FGF14: variants seen among roughly 807,000 people sequenced by gnomAD.
The protein encoded by FGF14 is fibroblast growth factor homologous factor 4.
Under a neutral mutation model 25.5 loss-of-function variants are expected in FGF14, and 5 were observed. The observed-to-expected ratio is 0.20, with a 90% CI of 0.10 to 0.41. The LOEUF is 0.41. Ranked by LOEUF, FGF14 falls within the 10% of genes least tolerant of loss-of-function variation. The pLI, the probability that FGF14 is intolerant of heterozygous loss-of-function variation, is 1.00. For synonymous variants in FGF14, 138 were observed against 118.3 expected, an observed-to-expected ratio of 1.17 and a Z score of -1.08; for missense variants, 222 against 320.1, an observed-to-expected ratio of 0.69 and a Z score of 2.34.
intron 1 of FGF14, among the ~76,000 whole-genome samples, chr13:102,012,141 A>C (rs1303960971): frequency 6.6e-6 from 1 of 152,108 alleles, no homozygotes; most frequent in East Asian, 1.9e-4. Flanking sequence ...TTAAATATAA[A>C]CTAATCAATT....
intron 1 of FGF14, among the ~76,000 whole-genome samples, chr13:102,378,213 G>T (rs2058085078): frequency 6.6e-6 from 1 of 152,160 alleles, no homozygotes; most frequent in South Asian, 2.1e-4. Flanking sequence ...GAGTGATGAT[G>T]TGTCAGTGTA....
At chr13:102,053,363 A>G (rs963612984) in intron 1 of FGF14, among the ~76,000 whole-genome samples, 3 of 152,162 alleles carry the variant, frequency 2.0e-5, no homozygotes, top group Admixed American at 6.5e-5. Context: ...AGGGATGGAA[A>G]AAAGGATTCC....
upstream of FGF14, chr13:102,402,113 A>G: frequency 5.6e-6 from 1 of 179,012 alleles, no homozygotes; most frequent in Non-Finnish European, 1.2e-5. Flanking sequence ...ACACCACCAC[A>G]CACACTCACA....
At chr13:101,868,169 A>G (rs1214705011) in intron 3 of FGF14, among the ~76,000 whole-genome samples, 1 of 152,198 alleles carries the variant, frequency 6.6e-6, no homozygotes, top group Non-Finnish European at 1.5e-5. Context: ...TGAATACAGC[A>G]TATCTGAGTG....
chr13:102,294,763 G>C (rs561570270), intron 1 of FGF14, among the ~76,000 whole-genome samples: 1 of 152,166 alleles, frequency 6.6e-6, no homozygotes, highest in South Asian at 2.1e-4. Context: ...AGTCTATATA[G>C]TTAGACTGCC....
chr13:102,245,623 T>C (rs2141045786), intron 1 of FGF14, among the ~76,000 whole-genome samples: 1 of 152,232 alleles, frequency 6.6e-6, no homozygotes, highest in South Asian at 2.1e-4. Flanking sequence ...GTTAATTTTA[T>C]AAGGATTTAA....
intron 1 of FGF14, among the ~76,000 whole-genome samples, chr13:101,880,352 G>A (rs528395901): frequency 6.6e-6 from 1 of 152,214 alleles, no homozygotes; most frequent in East Asian, 1.9e-4. Flanking sequence ...CAGATCACCT[G>A]AGTTCAGGAG....
At chr13:102,351,813 G>A (rs2057288475) in intron 1 of FGF14, among the ~76,000 whole-genome samples, 1 of 152,210 alleles carries the variant, frequency 6.6e-6, no homozygotes. Flanking sequence ...AGCCAAGGTG[G>A]CTTTTGTCAT....
intron 3 of FGF14, among the ~76,000 whole-genome samples, chr13:101,854,777 G>A (rs2044036934): frequency 6.6e-6 from 1 of 151,922 alleles, no homozygotes; most frequent in South Asian, 2.1e-4. Flanking sequence ...ATCCTACTCT[G>A]TAACCTAAGA....
intron 1 of FGF14, among the ~76,000 whole-genome samples, chr13:101,934,687 C>A (rs1431680387): frequency 1.3e-5 from 2 of 152,170 alleles, no homozygotes; most frequent in East Asian, 1.9e-4. Context: ...CAATCCCATG[C>A]ACAATTTTAG....
intron 1 of FGF14, among the ~76,000 whole-genome samples, chr13:102,153,077 G>A (rs191950684): frequency 4.2e-4 from 64 of 152,250 alleles, no homozygotes; most frequent in African/African-American, 1.3e-3. Flanking sequence ...ACCTGAATTC[G>A]CCTATAGAGT....
At chr13:101,995,317 C>T in intron 1 of FGF14, among the ~76,000 whole-genome samples, 1 of 152,084 alleles carries the variant, frequency 6.6e-6, no homozygotes, top group East Asian at 1.9e-4. Context: ...TGGCCCTAAA[C>T]CCAAAAGGTC....
At chr13:102,129,049 C>T (rs1429587950) in intron 1 of FGF14, among the ~76,000 whole-genome samples, 2 of 152,054 alleles carry the variant, frequency 1.3e-5, no homozygotes, top group Non-Finnish European at 2.9e-5. Context: ...GCCTGGGCAA[C>T]AAGAGTCAAA....
At chr13:101,984,161 C>T (rs1008715675) in intron 1 of FGF14, among the ~76,000 whole-genome samples, 4 of 151,920 alleles carry the variant, frequency 2.6e-5, no homozygotes, top group South Asian at 2.1e-4. Flanking sequence ...AATATGCGCT[C>T]GAAAATGTGA....
chr13:102,168,515 C>T (rs2048114268), intron 1 of FGF14, among the ~76,000 whole-genome samples: 1 of 152,074 alleles, frequency 6.6e-6, no homozygotes. Flanking sequence ...TACAAAGACT[C>T]CACTGACCCT....
intron 1 of FGF14, among the ~76,000 whole-genome samples, chr13:102,398,795 C>T (rs1448705364): frequency 6.6e-6 from 1 of 150,856 alleles, no homozygotes; most frequent in African/African-American, 2.4e-5. Context: ...GGCATGGGTT[C>T]GATTCAAGCT....
chr13:102,316,129 G>A (rs999595582), intron 1 of FGF14, among the ~76,000 whole-genome samples: 3 of 152,182 alleles, frequency 2.0e-5, no homozygotes, highest in Non-Finnish European at 2.9e-5. Context: ...AAACCCAGCA[G>A]ACTGCAAAAT....
intron 3 of FGF14, among the ~76,000 whole-genome samples, chr13:101,802,667 T>C (rs994777296): frequency 6.6e-6 from 1 of 152,220 alleles, no homozygotes; most frequent in Non-Finnish European, 1.5e-5. Context: ...ATCAAAATTA[T>C]ATGTATTTCC....
At chr13:101,800,048 C>T (rs558308104) in intron 3 of FGF14, among the ~76,000 whole-genome samples, 8 of 152,180 alleles carry the variant, frequency 5.3e-5, no homozygotes, top group Non-Finnish European at 8.8e-5. Flanking sequence ...ACAGACACGT[C>T]TCCATAGAGA....
Sources: gnomAD v4.1 joint callset for allele counts (sites outside exome capture counted in the v4.1 genomes callset) on GRCh38, gnomAD v4.1.1 for gene constraint, MANE v1.5 for transcripts, NCBI Gene and HGNC (gene_info 2026-07-23, HGNC 2026-07-21) for gene names.